NRXN1: variants seen among roughly 807,000 people sequenced by gnomAD.
NRXN1 encodes neurexin 1.
A neutral mutation model predicts 150.9 loss-of-function variants in NRXN1; 39 were observed. That is an observed-to-expected ratio of 0.26 (90% CI 0.20 to 0.34). The LOEUF (loss-of-function observed/expected upper bound fraction) is 0.34, where lower values mean the gene tolerates loss of function less well. Ranked by LOEUF, NRXN1 falls within the 10% of genes least tolerant of loss-of-function variation. The pLI is 1.00. For synonymous variants in NRXN1, 924 were observed against 757.0 expected, an observed-to-expected ratio of 1.22 and a Z score of -3.62; for missense variants, 1,815 against 1,949.9, an observed-to-expected ratio of 0.93 and a Z score of 1.30.
intron 5 of NRXN1, among the ~76,000 whole-genome samples, chr2:50,639,531 A>G (rs1683761766): frequency 6.6e-6 from 1 of 151,818 alleles, no homozygotes; most frequent in Non-Finnish European, 1.5e-5. Flanking sequence ...ACTTTTCTGC[A>G]TTTTTAATGC....
At chr2:50,296,518 C>CTATTAGTATTATTATTAGTATTAT (rs60974449) in intron 17 of NRXN1, among the ~76,000 whole-genome samples, 1 of 148,016 alleles carries the variant, frequency 6.8e-6, no homozygotes, top group South Asian at 2.1e-4. Context: ...TGCTTAGCTT[C>CTATTAGTATTATTATTAGTATTAT]TATTATTATT....
intron 18 of NRXN1, among the ~76,000 whole-genome samples, chr2:50,216,363 A>G (rs117360070): frequency 4.6e-5 from 7 of 152,094 alleles, no homozygotes; most frequent in African/African-American, 1.7e-4. Flanking sequence ...TGAAAGAGCA[A>G]CACAGTATGA....
intron 18 of NRXN1, among the ~76,000 whole-genome samples, chr2:50,200,187 A>G (rs2062057940): frequency 6.6e-6 from 1 of 152,202 alleles, no homozygotes; most frequent in South Asian, 2.1e-4. Context: ...AGCTTTATGT[A>G]TTACATACCC....
At chr2:50,085,916 TTA>T (rs1373527399) in intron 19 of NRXN1, among the ~76,000 whole-genome samples, 21 of 152,168 alleles carry the variant, frequency 1.4e-4, no homozygotes, top group African/African-American at 5.1e-4. Flanking sequence ...ATATTTTACT[TTA>T]TGTTTCCCAG....
chr2:50,550,650 T>A (rs980862727), intron 9 of NRXN1, among the ~76,000 whole-genome samples: 11 of 151,620 alleles, frequency 7.3e-5, no homozygotes, highest in African/African-American at 2.4e-4. Flanking sequence ...TTCCCATCAA[T>A]GAACTCTTCT....
At chr2:50,614,129 G>C (rs1043493713) in intron 8 of NRXN1, among the ~76,000 whole-genome samples, 2 of 152,150 alleles carry the variant, frequency 1.3e-5, no homozygotes, top group Admixed American at 1.3e-4. Context: ...GTACCAACCA[G>C]TATATGGACC....
intron 11 of NRXN1, among the ~76,000 whole-genome samples, chr2:50,529,732 C>T (rs1392198524): frequency 6.6e-6 from 1 of 152,176 alleles, no homozygotes. Flanking sequence ...AGTGTTTCCA[C>T]TTTGACTAAC....
At chr2:50,679,536 C>G (rs1690054635) in intron 5 of NRXN1, among the ~76,000 whole-genome samples, 2 of 152,098 alleles carry the variant, frequency 1.3e-5, no homozygotes, top group Non-Finnish European at 2.9e-5. Context: ...AGCTCACACA[C>G]CACATATTAA....
chr2:50,061,661 C>A (rs952447349), intron 19 of NRXN1, among the ~76,000 whole-genome samples: 2 of 152,158 alleles, frequency 1.3e-5, no homozygotes, highest in African/African-American at 4.8e-5. Context: ...ACATGCTGAG[C>A]AAATAGGCTT....
At chr2:50,366,106 G>T (rs1190863501) in intron 17 of NRXN1, among the ~76,000 whole-genome samples, 2 of 149,118 alleles carry the variant, frequency 1.3e-5, no homozygotes, top group East Asian at 2.0e-4. Flanking sequence ...GAATAGGTTA[G>T]TTGGGTAAAT....
intron 12 of NRXN1, among the ~76,000 whole-genome samples, chr2:50,508,190 T>C (rs960406369): frequency 2.6e-5 from 4 of 152,180 alleles, no homozygotes; most frequent in African/African-American, 9.7e-5. Context: ...AGGTTAGAAA[T>C]GAGCCAGTGA....
intron 19 of NRXN1, among the ~76,000 whole-genome samples, chr2:50,071,795 C>T: frequency 6.6e-6 from 1 of 152,156 alleles, no homozygotes; most frequent in East Asian, 1.9e-4. Flanking sequence ...TATTTTGCTG[C>T]CAGTTGCTAA....
chr2:50,280,648 A>G (rs747772967), intron 17 of NRXN1, among the ~76,000 whole-genome samples: 9 of 152,200 alleles, frequency 5.9e-5, no homozygotes, highest in Non-Finnish European at 1.3e-4. Context: ...GGCACATCAT[A>G]GGTAGTTAAG....
chr2:50,447,197 G>A (rs961983764), intron 17 of NRXN1, among the ~76,000 whole-genome samples: 1 of 151,822 alleles, frequency 6.6e-6, no homozygotes, highest in Non-Finnish European at 1.5e-5. Flanking sequence ...ATGCTGTCTG[G>A]GCATGGTGGC....
chr2:50,170,793 GTA>G (rs2059984879), intron 18 of NRXN1, among the ~76,000 whole-genome samples: 2 of 146,220 alleles, frequency 1.4e-5, no homozygotes, highest in African/African-American at 2.6e-5. Flanking sequence ...GTGTGTGTGT[GTA>G]TGCATCTGTA....
At chr2:50,450,945 G>A (rs2086900021) in intron 17 of NRXN1, among the ~76,000 whole-genome samples, 1 of 152,110 alleles carries the variant, frequency 6.6e-6, no homozygotes, top group East Asian at 1.9e-4. Flanking sequence ...CTAGAAACCT[G>A]CTAACTAGGA....
intron 18 of NRXN1, among the ~76,000 whole-genome samples, chr2:50,171,050 C>A (rs770057799): frequency 2.0e-5 from 3 of 152,078 alleles, no homozygotes; most frequent in Non-Finnish European, 2.9e-5. Flanking sequence ...AAAGAAAATA[C>A]ATTGACTTCA....
intron 8 of NRXN1, among the ~76,000 whole-genome samples, chr2:50,585,471 C>T (rs569195409): frequency 3.9e-5 from 6 of 152,116 alleles, no homozygotes; most frequent in East Asian, 1.9e-4. Flanking sequence ...ATATACTTAA[C>T]GCTAATGAAT....
In NRXN1 at chr2:50,223,745, T is replaced by C. The variant is rs1574587346; in HGVS notation, c.3546+13044A>G. Among the ~76,000 whole-genome samples, 7 of 152,068 alleles carry C rather than the reference T, an allele frequency of 4.6e-5. 1 individual carries two copies. Among genetic ancestry groups the C allele is most frequent in the Admixed American group, 4.6e-4 (7 of 15,226 alleles). On this transcript the variant is annotated intron_variant, in intron 18 of 22. Transcript: ENST00000401669. ...GACAAATTCCCTTTCTCTGACCTCA[T>C]TTACATGCTTAAGTACACAGAGACT...
Sources: allele counts gnomAD v4.1 joint callset (sites outside exome capture counted in the v4.1 genomes callset), GRCh38; gene constraint gnomAD v4.1.1; transcripts MANE v1.5; gene names NCBI Gene and HGNC (gene_info 2026-07-23, HGNC 2026-07-21).